SBF2: variants seen among roughly 807,000 people sequenced by gnomAD.
SBF2 encodes SET binding factor 2, also known as myotubularin-related protein 13.
Under a neutral mutation model 225.2 loss-of-function variants are expected in SBF2, and 112 were observed. That is an observed-to-expected ratio of 0.50 (90% confidence interval 0.43 to 0.58). SBF2 has a LOEUF of 0.58. Among genes scored for constraint, SBF2 ranks in the 20% least tolerant of loss-of-function variants. The pLI, the probability that SBF2 is intolerant of heterozygous loss-of-function variation, is 0.00. For missense variants in SBF2, 1,996 were observed against 2,206.2 expected, an observed-to-expected ratio of 0.90 and a Z score of 1.91; for synonymous variants, 763 against 773.3, an observed-to-expected ratio of 0.99 and a Z score of 0.22.
chr11:9,822,829 G>C (rs76522022), intron 28 of SBF2, among the ~76,000 whole-genome samples: 393 of 150,968 alleles, frequency 2.6e-3, no homozygotes, highest in African/African-American at 8.7e-3. Flanking sequence ...CAGTGCATGA[G>C]ACACTAGATG....
At chr11:10,109,691 CCACATAACATTATGTACTAGAAG>C (rs1314130757) in intron 2 of SBF2, among the ~76,000 whole-genome samples, 32 of 152,178 alleles carry the variant, frequency 2.1e-4, no homozygotes, top group Non-Finnish European at 5.9e-5. Context: ...ATAATTTAGG[CCACATAACATTATGTACTAGAAG>C]CATGTTTCTA....
chr11:9,783,302 T>C (rs982666542), intron 38 of SBF2, among the ~76,000 whole-genome samples: 1 of 152,246 alleles, frequency 6.6e-6, no homozygotes, highest in African/African-American at 2.4e-5. Flanking sequence ...AAAGACTCTG[T>C]AATCGTTATG....
chr11:9,903,946 G>C (rs1471989204), intron 16 of SBF2, among the ~76,000 whole-genome samples: 1 of 151,976 alleles, frequency 6.6e-6, no homozygotes, highest in East Asian at 1.9e-4. Flanking sequence ...TAGTGTACCA[G>C]GTGTGGACAA....
At chr11:10,027,786 T>C (rs1019006741) in intron 6 of SBF2, among the ~76,000 whole-genome samples, 15 of 152,266 alleles carry the variant, frequency 9.9e-5, no homozygotes, top group African/African-American at 2.4e-4. Flanking sequence ...ATCCTAACCA[T>C]TGCCGAAAAA....
At chr11:10,006,979 G>A (rs1377720798) in intron 6 of SBF2, among the ~76,000 whole-genome samples, 1 of 152,198 alleles carries the variant, frequency 6.6e-6, no homozygotes. Flanking sequence ...GCCCAAGGCC[G>A]TCGGCACAAG....
intron 29 of SBF2, among the ~76,000 whole-genome samples, chr11:9,816,340 C>T (rs918698046): frequency 3.3e-5 from 5 of 152,114 alleles, no homozygotes; most frequent in Admixed American, 6.5e-5. Context: ...TATAGCTTTG[C>T]GAAGTTTTAA....
intron 2 of SBF2, among the ~76,000 whole-genome samples, chr11:10,134,708 C>G (rs1259839474): frequency 3.3e-5 from 5 of 152,220 alleles, no homozygotes. Flanking sequence ...GGTCTCATAT[C>G]CAGGTCACAC....
chr11:10,144,157 A>G (rs1437117092), intron 2 of SBF2, among the ~76,000 whole-genome samples: 1 of 152,232 alleles, frequency 6.6e-6, no homozygotes, highest in Non-Finnish European at 1.5e-5. Context: ...ATATGCACGT[A>G]GCCAAAATAA....
intron 1 of SBF2, among the ~76,000 whole-genome samples, chr11:10,299,474 T>A (rs547972308): frequency 1.3e-5 from 2 of 152,314 alleles, no homozygotes; most frequent in Non-Finnish European, 2.9e-5. Context: ...TGTAAGAGTT[T>A]ACAAGCTACT....
At chr11:10,104,088 GAA>G (rs760922615) in intron 2 of SBF2, among the ~76,000 whole-genome samples, 7 of 122,012 alleles carry the variant, frequency 5.7e-5, no homozygotes, top group Admixed American at 8.3e-5. Flanking sequence ...CCCTGTCTCA[GAA>G]AAAAAAAAAA....
chr11:9,786,771 G>A (rs985056278), intron 36 of SBF2, among the ~76,000 whole-genome samples: 3 of 152,218 alleles, frequency 2.0e-5, no homozygotes, highest in African/African-American at 7.2e-5. Context: ...AATAGGATAC[G>A]AAGGTGTGTA....
chr11:10,032,282 T>C (rs1014172593), intron 3 of SBF2, among the ~76,000 whole-genome samples: 2 of 152,172 alleles, frequency 1.3e-5, no homozygotes, highest in South Asian at 4.1e-4. Flanking sequence ...TATATCCCAC[T>C]GTCAACAAAC....
intron 10 of SBF2, 33 bp downstream of exon 10, chr11:9,993,888 A>C: frequency 6.8e-7 from 1 of 1,474,980 alleles, no homozygotes; most frequent in Non-Finnish European, 9.5e-7. Flanking sequence ...AGCTCTCTTT[A>C]ACAGCATTAA....
chr11:10,237,301 C>T (rs1362785441), intron 1 of SBF2, among the ~76,000 whole-genome samples: 1 of 152,062 alleles, frequency 6.6e-6, no homozygotes, highest in African/African-American at 2.4e-5. Flanking sequence ...GAGCTGAGAG[C>T]GTGCCACTGC....
At chr11:10,183,886 T>G (rs1591162237) in intron 2 of SBF2, among the ~76,000 whole-genome samples, 1 of 152,012 alleles carries the variant, frequency 6.6e-6, no homozygotes. Context: ...AGACACAGAG[T>G]CATAGCTAAA....
chr11:9,815,556 C>G (rs1039460766), intron 29 of SBF2, among the ~76,000 whole-genome samples: 1 of 152,102 alleles, frequency 6.6e-6, no homozygotes, highest in Non-Finnish European at 1.5e-5. Flanking sequence ...AGCATCCCAA[C>G]TCTTTCTTAC....
chr11:10,123,278 G>C (rs7950447), intron 2 of SBF2, among the ~76,000 whole-genome samples: 30,104 of 152,048 alleles, frequency 0.2, 3,910 homozygotes, highest in Non-Finnish European at 0.3. Flanking sequence ...ATAGGGTTCA[G>C]CTCACAAATA....
At chr11:10,133,621 G>A (rs1253574367) in intron 2 of SBF2, among the ~76,000 whole-genome samples, 3 of 145,098 alleles carry the variant, frequency 2.1e-5, no homozygotes, top group Non-Finnish European at 4.6e-5. Context: ...CCAAGCCCAC[G>A]CCCACCCGGA....
At chr11:9,914,181 C>A (rs559206861) in intron 16 of SBF2, among the ~76,000 whole-genome samples, 4 of 152,118 alleles carry the variant, frequency 2.6e-5, no homozygotes, top group Non-Finnish European at 5.9e-5. Context: ...GATTAATATG[C>A]TAGGGGCTCC....
Sources: allele counts gnomAD v4.1 joint callset (sites outside exome capture counted in the v4.1 genomes callset), GRCh38; gene constraint gnomAD v4.1.1; transcripts MANE v1.5; gene names NCBI Gene and HGNC (gene_info 2026-07-23, HGNC 2026-07-21).